Variants in TGFB3 observed in about 807,000 individuals in gnomAD.
The protein encoded by TGFB3 is transforming growth factor beta 3.
In TGFB3, 5 loss-of-function variants were observed where a neutral mutation model predicts 40.1. The observed-to-expected ratio is 0.12, with a 90% CI of 0.07 to 0.26. The LOEUF is 0.26. TGFB3 is among the 10% of genes least tolerant of loss of function. The probability of loss-of-function intolerance (pLI) is 1.00; values close to 1 mark genes in which losing one functional copy is unlikely to be tolerated. For missense variants in TGFB3, 373 were observed against 530.1 expected (o/e 0.70, Z 2.91); for synonymous variants, 184 against 205.6 (o/e 0.89, Z 0.90).
intron 6 of TGFB3, 157 bp downstream of exon 6, chr14:75,960,766 G>T (rs2140236027): frequency 2.2e-6 from 2 of 913,872 alleles, no homozygotes; most frequent in South Asian, 1.6e-5. Context: ...GAGTAGAACT[G>T]AGTCAGGGTG....
chr14:75,963,538 C>T (rs745743206), intron 4 of TGFB3, 51 bp from the exon 5 acceptor site: 2 of 1,611,274 alleles, frequency 1.2e-6, no homozygotes, highest in Non-Finnish European at 1.7e-6. Flanking sequence ...GAGCAGAGCC[C>T]TTGGAGGCTG....
At position 75,980,336 on chromosome 14, in the gene TGFB3, A is replaced by G. The variant is rs929757558; in HGVS notation, c.352+206T>C. 6.6e-6 allele frequency among the ~76,000 whole-genome samples: 1 copy of G among 152,184 alleles called. No individual in the cohort carries two copies. Among genetic ancestry groups the G allele is most frequent in the Non-Finnish European group, 1.5e-5 (1 of 68,016 alleles). On this transcript the variant is annotated intron_variant, in intron 1 of 6. Transcript: ENST00000238682. This position sits in a 1 kb window ranked among gnomAD's most constrained non-coding sequence, Gnocchi z 4.3. ...GCTCCAGGGCTCCTGGCCTCCCAGA[A>G]GCGCCGGCTCTTAACAGAATGGCTC...
At chr14:75,974,050 G>C (rs2140247943) in intron 1 of TGFB3, among the ~76,000 whole-genome samples, 1 of 152,200 alleles carries the variant, frequency 6.6e-6, no homozygotes, top group Middle Eastern at 3.4e-3. Flanking sequence ...TGAGGCAGGA[G>C]AATCGCTTGA....
Position 75,971,759 on chromosome 14 carries a change from A to G in TGFB3, c.353-41T>C. 1.2e-6 allele frequency: 2 copies of G among 1,609,024 alleles called. No homozygotes were observed. The highest frequency in any genetic ancestry group is 4.5e-5 in the East Asian group (2 of 44,802). On this transcript the variant is annotated intron_variant, in intron 1 of 6. Coordinates refer to ENST00000238682, the MANE Select transcript of TGFB3 (RefSeq NM_003239.5). The surrounding 1 kb of genome is among the most constrained non-coding windows in gnomAD (Gnocchi z 4.5). ...GAGCAGAGGGCACAGCATGAGCGAG[A>G]CATGCAGGAACAGTGTGCTGCCAAC...
In TGFB3 at chr14:75,981,473, CG is replaced by C. The variant is rs2035433209; in HGVS notation, c.-581del. The C allele has an allele frequency of 5.7e-6, 1 of 176,440 alleles. No individual in the cohort carries two copies. Among genetic ancestry groups the C allele is most frequent in the African/African-American group, 2.4e-5 (1 of 41,714 alleles). The allele number at this position is 176,440 out of a possible 1,614,324, so 10.9% of individuals were successfully genotyped here. A position where few individuals can be genotyped will look rare whatever the true frequency, so the allele number is the denominator to read the frequency against. On this transcript the variant is annotated 5_prime_UTR_variant, in exon 1 of 7. It removes the in-frame stop codon of an upstream open reading frame in the 5' UTR. Coordinates refer to ENST00000238682, the MANE Select transcript of TGFB3 (RefSeq NM_003239.5). This position sits in a 1 kb window ranked among gnomAD's most constrained non-coding sequence, Gnocchi z 4.7. The stretch of plus-strand genomic sequence containing the variant: ...GTGAGTAGGTGGGGAGAAGCAGGGC[CG>C]GGCAGTTGCTGGCCCAGCTAAAGGT...
intron 6 of TGFB3, chr14:75,960,370 G>T (rs1407723084): frequency 4.7e-5 from 8 of 170,330 alleles, no homozygotes; most frequent in African/African-American, 7.2e-5. Context: ...CCCCAGACAG[G>T]ATGCAGAAAC....
intron 5 of TGFB3, among the ~76,000 whole-genome samples, chr14:75,961,570 G>C (rs2035157145): frequency 6.6e-6 from 1 of 152,134 alleles, no homozygotes. Context: ...TTAGAACCGT[G>C]GTTCAACAGA....
intron 5 of TGFB3, 27 bp downstream of exon 5, chr14:75,963,289 T>A (rs778996314): frequency 6.2e-6 from 10 of 1,613,744 alleles, no homozygotes; most frequent in Non-Finnish European, 8.5e-7. Flanking sequence ...GCAGTAGATG[T>A]TGGTTCCCAT....
rs4252316 is a variant in TGFB3 at position 75,980,357 on chromosome 14, G to A, written c.352+185C>T. ...CAGAAGCGCCGGCTCTTAACAGAAT[G>A]GCTCTATCTCCTTCCCCACCCACCT... is the stretch of plus-strand genomic sequence containing the variant. On this transcript the variant is annotated intron_variant, in intron 1 of 6. Transcript: ENST00000238682. The surrounding 1 kb of genome is among the most constrained non-coding windows in gnomAD (Gnocchi z 4.3). Among the ~76,000 whole-genome samples, 50 of 152,298 alleles carry A rather than the reference G, an allele frequency of 3.3e-4. 2 individuals are homozygous for A. The highest frequency in any genetic ancestry group is 1.2e-3 in the African/African-American group (50 of 41,554).
At chr14:75,969,250 G>A (rs1055398644) in intron 3 of TGFB3, among the ~76,000 whole-genome samples, 1 of 152,124 alleles carries the variant, frequency 6.6e-6, no homozygotes, top group Non-Finnish European at 1.5e-5. Context: ...AGGGACTCTG[G>A]GCATCAATAT....
intron 1 of TGFB3, among the ~76,000 whole-genome samples, chr14:75,975,477 A>G (rs749172661): frequency 2.0e-5 from 3 of 152,262 alleles, no homozygotes; most frequent in Non-Finnish European, 4.4e-5. Flanking sequence ...TGTTTTAAGT[A>G]ATCTGTGGAA....
Position 75,978,644 on chromosome 14 carries a change from A to G in TGFB3, c.352+1898T>C, listed in dbSNP as rs1731806745. 6.6e-6 allele frequency among the ~76,000 whole-genome samples: 1 copy of G among 152,220 alleles called. No homozygotes were observed. On this transcript the variant is annotated intron_variant, in intron 1 of 6. Coordinates refer to ENST00000238682, the MANE Select transcript of TGFB3 (RefSeq NM_003239.5). This position sits in a 1 kb window ranked among gnomAD's most constrained non-coding sequence, Gnocchi z 5.0. Reference sequence around the variant, plus strand: ...CATCCACCCATCTGTTGCAGTTGTAAGGTCTTGGTACTGCAGCCTGGAAGC... The same window carrying G: ...CATCCACCCATCTGTTGCAGTTGTAGGGTCTTGGTACTGCAGCCTGGAAGC...
upstream of TGFB3, among the ~76,000 whole-genome samples, chr14:75,982,133 G>C (rs1055121546): frequency 6.6e-6 from 1 of 152,228 alleles, no homozygotes; most frequent in East Asian, 1.9e-4. The surrounding 1 kb of genome is among the most constrained non-coding windows in gnomAD (Gnocchi z 4.0). Flanking sequence ...AGGAAAAGCC[G>C]AGCCCTTTTG....
chr14:75,968,940 C>T (rs1230526567), intron 3 of TGFB3, among the ~76,000 whole-genome samples: 2 of 152,206 alleles, frequency 1.3e-5, no homozygotes, highest in African/African-American at 4.8e-5. Context: ...AACTGCCAGC[C>T]TCACTCTTGG....
chr14:75,974,323 C>G (rs1359442746), intron 1 of TGFB3, among the ~76,000 whole-genome samples: 1 of 151,914 alleles, frequency 6.6e-6, no homozygotes, highest in Non-Finnish European at 1.5e-5. Flanking sequence ...AGGATGAACA[C>G]ATCCTGGGGA....
chr14:75,959,409 C>A, intron 6 of TGFB3, 64 bp from the exon 7 acceptor site: 1 of 1,601,688 alleles, frequency 6.2e-7, no homozygotes, highest in Non-Finnish European at 8.5e-7. Flanking sequence ...CCCAGGAAGT[C>A]GCCCAGTTCC....
intron 1 of TGFB3, among the ~76,000 whole-genome samples, chr14:75,977,806 T>A (rs2035372568): frequency 6.6e-6 from 1 of 152,000 alleles, no homozygotes. Context: ...AAAGTTCTAC[T>A]GAACCCTAAA....
chr14:75,965,748 TG>T, intron 3 of TGFB3, 53 bp from the exon 4 acceptor site: 1 of 1,439,760 alleles, frequency 6.9e-7, no homozygotes, highest in Non-Finnish European at 9.8e-7. Flanking sequence ...GATGGGGAAG[TG>T]TGCCCACCAC....
intron 3 of TGFB3, among the ~76,000 whole-genome samples, chr14:75,967,869 CAAG>C (rs2035239955): frequency 6.6e-6 from 1 of 152,082 alleles, no homozygotes; most frequent in Non-Finnish European, 1.5e-5. Context: ...TTGTTAGAGA[CAAG>C]GAGGGGTAAA....
Sources: allele counts gnomAD v4.1 joint callset (sites outside exome capture counted in the v4.1 genomes callset), GRCh38; gene constraint gnomAD v4.1.1; non-coding constraint Gnocchi (gnomAD v3.1); transcripts MANE v1.5; gene names NCBI Gene and HGNC (gene_info 2026-07-23, HGNC 2026-07-21).